DCN: variants seen among roughly 807,000 people sequenced by gnomAD.
DCN encodes the protein decorin.
DCN carries 17 observed loss-of-function variants against 36.5 expected under a neutral mutation model. The ratio of observed to expected loss-of-function variants is 0.47; its 90% confidence interval spans 0.32 to 0.70. DCN has a LOEUF of 0.70. Ranked by LOEUF, DCN falls within the 30% of genes least tolerant of loss-of-function variation. The pLI, the probability that DCN is intolerant of heterozygous loss-of-function variation, is 0.04. For synonymous variants in DCN, 163 were observed against 161.4 expected (o/e 1.01, Z -0.07); for missense variants, 389 against 430.1 (o/e 0.90, Z 0.84).
intron 1 of DCN, among the ~76,000 whole-genome samples, chr12:91,181,966 C>A (rs1437850133): frequency 2.0e-5 from 3 of 151,356 alleles, no homozygotes; most frequent in Non-Finnish European, 2.9e-5. Context: ...CACTGTGTTA[C>A]CCTGTTTTAA....
At chr12:91,168,674 T>A (rs972774794) in intron 2 of DCN, among the ~76,000 whole-genome samples, 1 of 152,192 alleles carries the variant, frequency 6.6e-6, no homozygotes, top group Non-Finnish European at 1.5e-5. Context: ...ATCATAGGAG[T>A]TTTTATTTTC....
intron 2 of DCN, among the ~76,000 whole-genome samples, chr12:91,165,258 G>T (rs3138218): frequency 6.6e-6 from 1 of 151,984 alleles, no homozygotes; most frequent in Non-Finnish European, 1.5e-5. Context: ...TTGGGATAAC[G>T]GTTCTTTTAG....
At position 91,158,479 on chromosome 12, in the gene DCN, T is replaced by C. The variant is rs778293007; in HGVS notation, c.355A>G (p.Lys119Glu). 16 of 1,601,592 alleles carry C rather than the reference T, an allele frequency of 1.0e-5. No individual in the cohort carries two copies. In the Admixed American group the frequency reaches 2.5e-4, roughly 25 times the overall value. The change falls in exon 4 of 8, where the codon AAA becomes GAA. Residue 119 changes from lysine (K) to glutamate (E), a missense_variant. Lys to Glu is a moderately conservative substitution (Grantham distance 56). Transcript: ENST00000052754. ...ALILVNNKIS[K>E]VSPGAFTPLV... ...GGTGTAAATGCTCCAGGACTAACTT[T>C]GCTAATTTTATTGTTGACAAGAATC... is the stretch of plus-strand genomic sequence containing the variant.
In DCN at chr12:91,162,065, C is replaced by A. The variant is rs540936572; in HGVS notation, c.324+2540G>T. On this transcript the variant is annotated intron_variant, in intron 3 of 7. Transcript: ENST00000052754. ...AAGCGATTCTCCTGCCTCAGACTCC[C>A]GAGTAGCTGGGACTACAGGAGCGCG... Among the ~76,000 whole-genome samples, 20 of 152,050 alleles carry A rather than the reference C, an allele frequency of 1.3e-4. No individual in the cohort carries two copies. In the South Asian group the frequency reaches 2.5e-3, roughly 19 times the overall value.
chr12:91,171,028 T>G (rs73198634), intron 2 of DCN, among the ~76,000 whole-genome samples: 2,149 of 152,270 alleles, frequency 0.014, 24 homozygotes, highest in Non-Finnish European at 0.021. Flanking sequence ...ATTTTATGGT[T>G]ATTCATAAAA....
chr12:91,176,911 A>T (rs1050709450), intron 2 of DCN: 4 of 152,192 alleles, frequency 2.6e-5, no homozygotes, highest in African/African-American at 9.7e-5. Flanking sequence ...TTCCTGCCCA[A>T]GGCAATAATG....
intron 2 of DCN, among the ~76,000 whole-genome samples, chr12:91,164,969 C>T (rs530541291): frequency 6.6e-6 from 1 of 152,230 alleles, no homozygotes; most frequent in South Asian, 2.1e-4. Context: ...TATTCCTCTG[C>T]ATTAGGGGAA....
rs189302413 is a variant in DCN at position 91,173,239 on chromosome 12, T to C, written c.211+5103A>G. On this transcript the variant is annotated intron_variant, in intron 2 of 7. Coordinates refer to ENST00000052754, the MANE Select transcript of DCN (RefSeq NM_001920.5). ...GGGAATTGATATTTTAGCTAACCAA[T>C]TCCCACCATATCCCCTGGAGCTAGG... 3.4e-4 allele frequency among the ~76,000 whole-genome samples: 51 copies of C among 152,230 alleles called. 1 individual carries two copies. Among genetic ancestry groups the C allele is most frequent in the Non-Finnish European group, 6.3e-4 (43 of 67,996 alleles).
chr12:91,157,275 A>G (rs1177639816), intron 4 of DCN, 87 bp from the exon 5 acceptor site: 1 of 920,496 alleles, frequency 1.1e-6, no homozygotes, highest in African/African-American at 1.6e-5. Flanking sequence ...AGCAACCTAT[A>G]AAGAAATAGG....
intron 3 of DCN, among the ~76,000 whole-genome samples, chr12:91,159,311 C>G (rs1882010512): frequency 6.6e-6 from 1 of 152,060 alleles, no homozygotes; most frequent in Non-Finnish European, 1.5e-5. Flanking sequence ...TTTCCCGTAG[C>G]CTTGCAATAT....
intron 2 of DCN, among the ~76,000 whole-genome samples, chr12:91,173,651 C>T (rs1178094331): frequency 1.3e-5 from 2 of 152,144 alleles, no homozygotes; most frequent in Admixed American, 1.3e-4. Context: ...TGAGGAGCAC[C>T]TCACACCCCT....
intron 5 of DCN, among the ~76,000 whole-genome samples, chr12:91,155,361 T>C (rs917313264): frequency 6.6e-6 from 1 of 152,164 alleles, no homozygotes; most frequent in Non-Finnish European, 1.5e-5. Flanking sequence ...ACTAAATACA[T>C]GCTTAATAAA....
chr12:91,146,924 C>T (rs750232854), intron 7 of DCN, among the ~76,000 whole-genome samples: 5 of 152,180 alleles, frequency 3.3e-5, no homozygotes, highest in Non-Finnish European at 7.3e-5. Context: ...CAACCTTGTC[C>T]AAGTCACCAT....
At chr12:91,158,690 G>A (rs563260059) in intron 3 of DCN, among the ~76,000 whole-genome samples, 181 bp from the exon 4 acceptor site, 2 of 152,206 alleles carry the variant, frequency 1.3e-5, no homozygotes, top group Admixed American at 6.5e-5. Context: ...GGCCAGGTGC[G>A]GTGGCTCATG....
chr12:91,177,678 G>A, intron 2 of DCN: 1 of 699,508 alleles, frequency 1.4e-6, no homozygotes. Flanking sequence ...AAAGATATAT[G>A]TAACACAATT....
intron 1 of DCN, among the ~76,000 whole-genome samples, chr12:91,181,221 T>C (rs1363583530): frequency 6.6e-6 from 1 of 151,776 alleles, no homozygotes; most frequent in African/African-American, 2.4e-5. Flanking sequence ...TGTGTGTGCA[T>C]TTAACCCTGA....
intron 1 of DCN, chr12:91,180,073 A>ATAT (rs1883505353): frequency 6.6e-6 from 1 of 152,186 alleles, no homozygotes. Flanking sequence ...ATAGCAGCAA[A>ATAT]GTCATTTGGG....
chr12:91,172,638 A>C (rs778358292), intron 2 of DCN: 549 of 591,464 alleles, frequency 9.3e-4, no homozygotes, highest in Non-Finnish European at 1.0e-3. Flanking sequence ...GCAAGGATGC[A>C]CTGAGAAATC....
chr12:91,145,856 G>T lies in DCN; in HGVS notation c.*202C>A. The T allele has an allele frequency of 1.7e-6, 1 of 576,130 alleles. No individual in the cohort carries two copies. The highest frequency in any genetic ancestry group is 3.1e-6 in the Non-Finnish European group (1 of 325,804). 35.7% of individuals were successfully genotyped at this position (576,130 alleles called of 1,614,324 possible). On this transcript the variant is annotated 3_prime_UTR_variant, in exon 8 of 8. Coordinates refer to ENST00000052754, the MANE Select transcript of DCN (RefSeq NM_001920.5). ...TTAACATCAACAGAAAGCTTCAAAA[G>T]ATGATTCTGAAAATGGCAGGCAAAA...
Sources: allele counts gnomAD v4.1 joint callset (sites outside exome capture counted in the v4.1 genomes callset), GRCh38; gene constraint gnomAD v4.1.1; transcripts MANE v1.5; gene names NCBI Gene and HGNC (gene_info 2026-07-23, HGNC 2026-07-21).